MEF2C: variants seen among roughly 807,000 people sequenced by gnomAD.
MEF2C encodes the protein myocyte enhancer factor 2C.
In MEF2C, 6 loss-of-function variants were observed where a neutral mutation model predicts 50.5. The ratio of observed to expected loss-of-function variants is 0.12; its 90% CI spans 0.07 to 0.23. The LOEUF is 0.23. Among genes scored for constraint, MEF2C ranks in the 10% least tolerant of loss-of-function variants. MEF2C has a pLI of 1.00. For synonymous variants in MEF2C, 183 were observed against 228.0 expected (o/e 0.80, Z 1.78); for missense variants, 276 against 605.0 (o/e 0.46, Z 5.70).
At chr5:88,744,245 A>G (rs959957342) in intron 6 of MEF2C, 12 of 676,664 alleles carry the variant, frequency 1.8e-5, no homozygotes, top group Non-Finnish European at 2.2e-5. Context: ...ATAACCACTC[A>G]GATTAGCATG....
At chr5:88,735,850 T>C (rs1175924766) in intron 6 of MEF2C, 3 of 985,336 alleles carry the variant, frequency 3.0e-6, no homozygotes, top group Non-Finnish European at 3.6e-6. Flanking sequence ...CACTTGAACA[T>C]GTAGCTCTCT....
intron 1 of MEF2C, among the ~76,000 whole-genome samples, chr5:88,880,267 G>T (rs1399446814): frequency 6.6e-6 from 1 of 152,040 alleles, no homozygotes; most frequent in African/African-American, 2.4e-5. Flanking sequence ...AAAAAAAAGT[G>T]TAACTTTATT....
At chr5:88,851,353 G>C (rs1821286409) in intron 1 of MEF2C, among the ~76,000 whole-genome samples, 1 of 152,044 alleles carries the variant, frequency 6.6e-6, no homozygotes, top group African/African-American at 2.4e-5. Flanking sequence ...TAGTAGTTAA[G>C]CTTTTGGAGA....
chr5:88,857,199 C>T (rs934650944), intron 1 of MEF2C, among the ~76,000 whole-genome samples: 1 of 152,200 alleles, frequency 6.6e-6, no homozygotes, highest in African/African-American at 2.4e-5. Context: ...AATGACTGTC[C>T]TACTGGATTT....
At chr5:88,795,353 C>T (rs1400551363) in intron 3 of MEF2C, among the ~76,000 whole-genome samples, 2 of 152,080 alleles carry the variant, frequency 1.3e-5, no homozygotes, top group Admixed American at 6.5e-5. Context: ...TTGAAGAGGT[C>T]CTTCCCATCT....
intron 1 of MEF2C, among the ~76,000 whole-genome samples, chr5:88,870,119 T>A (rs969320088): frequency 6.6e-6 from 1 of 152,000 alleles, no homozygotes. Flanking sequence ...TAATTGGAAA[T>A]TTAATAATTT....
At chr5:88,896,961 A>ACACACACACACG (rs1835179071) in intron 1 of MEF2C, among the ~76,000 whole-genome samples, 1 of 151,918 alleles carries the variant, frequency 6.6e-6, no homozygotes, top group Non-Finnish European at 1.5e-5. Flanking sequence ...ACACACACAC[A>ACACACACACACG]CACACGCACA....
intron 6 of MEF2C, chr5:88,733,328 A>T (rs1762487952): frequency 1.0e-6 from 1 of 985,272 alleles, no homozygotes; most frequent in African/African-American, 1.7e-5. Flanking sequence ...GAGGGGTGTC[A>T]GAGGCTCTGG....
intron 3 of MEF2C, among the ~76,000 whole-genome samples, chr5:88,778,841 C>T (rs1786237841): frequency 6.6e-6 from 1 of 152,218 alleles, no homozygotes; most frequent in African/African-American, 2.4e-5. Context: ...TCAAGAACCA[C>T]AAACACTTGG....
chr5:88,845,473 G>A lies in MEF2C; in HGVS notation c.-142-21543C>T, dbSNP rs185776667. Among the ~76,000 whole-genome samples the A allele has an allele frequency of 1.8e-3, 281 of 152,014 alleles. 1 individual carries two copies. Among genetic ancestry groups the A allele is most frequent in the African/African-American group, 6.5e-3 (271 of 41,438 alleles). On this transcript the variant is annotated intron_variant, in intron 1 of 10. Coordinates refer to ENST00000504921, the MANE Select transcript of MEF2C (RefSeq NM_002397.5). The stretch of plus-strand genomic sequence containing the variant: ...TCTTTTTTGTAGTCATTTCAGTATC[G>A]ACATACCACTAAATCTGAGATTACA...
chr5:88,766,515 A>G (rs746212848), intron 3 of MEF2C: 10 of 318,082 alleles, frequency 3.1e-5, no homozygotes, highest in Non-Finnish European at 4.1e-5. Context: ...ATGCTATTTA[A>G]GTAAAATTCA....
chr5:88,742,460 G>A, intron 6 of MEF2C: 1 of 979,676 alleles, frequency 1.0e-6, no homozygotes, highest in Non-Finnish European at 1.2e-6. Flanking sequence ...TTAAATCAAT[G>A]GGATATGAGT....
At chr5:88,739,046 G>T in intron 6 of MEF2C, 1 of 982,516 alleles carries the variant, frequency 1.0e-6, no homozygotes, top group Non-Finnish European at 1.2e-6. Context: ...TACTTAAATG[G>T]TAATGATGCT....
chr5:88,750,009 A>G (rs1771887880), intron 5 of MEF2C: 1 of 215,558 alleles, frequency 4.6e-6, no homozygotes, highest in Non-Finnish European at 7.9e-6. Flanking sequence ...CAGCCTGGGC[A>G]ACACAGCGAG....
intron 1 of MEF2C, among the ~76,000 whole-genome samples, chr5:88,856,091 G>A (rs1823228764): frequency 6.6e-6 from 1 of 152,202 alleles, no homozygotes; most frequent in African/African-American, 2.4e-5. Context: ...GGCTGAGGTG[G>A]TCTCAGATGG....
At chr5:88,822,543 T>C (rs1808891331) in intron 2 of MEF2C, among the ~76,000 whole-genome samples, 1 of 152,006 alleles carries the variant, frequency 6.6e-6, no homozygotes, top group Non-Finnish European at 1.5e-5. Flanking sequence ...AGTATAAACT[T>C]GAAAACCTAA....
intron 1 of MEF2C, among the ~76,000 whole-genome samples, chr5:88,876,563 ATTTC>A (rs1251367267): frequency 5.3e-5 from 8 of 151,952 alleles, no homozygotes; most frequent in African/African-American, 1.7e-4. Context: ...TAGCAGACAA[ATTTC>A]TTTGTCTGTC....
intron 6 of MEF2C, chr5:88,738,324 C>A: frequency 1.0e-6 from 1 of 985,328 alleles, no homozygotes; most frequent in Non-Finnish European, 1.2e-6. Flanking sequence ...ACCAACAACA[C>A]AACATTAAGC....
chr5:88,804,222 A>G (rs1007590402), intron 3 of MEF2C, among the ~76,000 whole-genome samples: 1 of 152,202 alleles, frequency 6.6e-6, no homozygotes, highest in Non-Finnish European at 1.5e-5. Flanking sequence ...AAACTATTAT[A>G]TACCTAAAAT....
Sources: gnomAD v4.1 joint callset for allele counts (sites outside exome capture counted in the v4.1 genomes callset) on GRCh38, gnomAD v4.1.1 for gene constraint, MANE v1.5 for transcripts, NCBI Gene and HGNC (gene_info 2026-07-23, HGNC 2026-07-21) for gene names.